The following PRIM2 variants were observed in gnomAD, a reference collection of about 807,000 sequenced individuals.
PRIM2 encodes the protein DNA primase subunit 2.
PRIM2 carries 39 observed loss-of-function variants against 67.3 expected under a neutral mutation model. That is an observed-to-expected ratio of 0.58 (90% CI 0.45 to 0.76). The LOEUF (loss-of-function observed/expected upper bound fraction) is 0.76, where lower values mean the gene tolerates loss of function less well. Among genes scored for constraint, PRIM2 ranks in the 30% least tolerant of loss-of-function variants. The probability of loss-of-function intolerance (pLI) is 0.00; values close to 1 mark genes in which losing one functional copy is unlikely to be tolerated. For missense variants in PRIM2, 398 were observed against 598.7 expected, an observed-to-expected ratio of 0.66 and a Z score of 3.50; for synonymous variants, 143 against 198.7, an observed-to-expected ratio of 0.72 and a Z score of 2.36.
chr6:57,481,765 C>G (rs1333103522), intron 7 of PRIM2, among the ~76,000 whole-genome samples: 2 of 152,140 alleles, frequency 1.3e-5, no homozygotes, highest in African/African-American at 4.8e-5. Context: ...CATTTGGTGT[C>G]ATCACTGTTT....
chr6:57,634,173 A>T (rs1777080587), intron 13 of PRIM2, among the ~76,000 whole-genome samples: 1 of 152,166 alleles, frequency 6.6e-6, no homozygotes, highest in East Asian at 1.9e-4. Context: ...GATATTTGGT[A>T]CTAAATTTGT....
At chr6:57,508,212 C>T (rs1554347392) in intron 8 of PRIM2, among the ~76,000 whole-genome samples, 2 of 152,184 alleles carry the variant, frequency 1.3e-5, no homozygotes, top group Non-Finnish European at 2.9e-5. Flanking sequence ...GCTGGGATTA[C>T]AGGCATAAGC....
At chr6:57,449,984 A>C (rs1345107735) in intron 7 of PRIM2, among the ~76,000 whole-genome samples, 1 of 152,056 alleles carries the variant, frequency 6.6e-6, no homozygotes, top group Non-Finnish European at 1.5e-5. Context: ...GACAAAGGTA[A>C]CTCAGTTTTG....
In PRIM2 at chr6:57,374,303, A is replaced by ATTTATTTT. The variant is rs1554331462; in HGVS notation, c.460-5595_460-5594insATTTTTTT. Among the ~76,000 whole-genome samples the ATTTATTTT allele has an allele frequency of 9.0e-3, 1,255 of 139,786 alleles. 15 individuals are homozygous for ATTTATTTT. Among genetic ancestry groups the ATTTATTTT allele is most frequent in the African/African-American group, 0.03 (1,147 of 37,768 alleles). The allele number at this position is 139,786 out of a possible 152,430, so 91.7% of individuals were successfully genotyped here. ...TATTTATTTATTTATTTATTTATTT[A>ATTTATTTT]TTTTTTTTGAGACGGAGTTTCGCTC... On this transcript the variant is annotated intron_variant, in intron 5 of 13. Coordinates refer to ENST00000615550, the MANE Select transcript of PRIM2 (RefSeq NM_000947.5).
chr6:57,513,818 G>A (rs1774421283), intron 8 of PRIM2, among the ~76,000 whole-genome samples: 1 of 152,172 alleles, frequency 6.6e-6, no homozygotes, highest in Admixed American at 6.6e-5. Context: ...AGGTTGTAGT[G>A]AGCCAGGATC....
intron 11 of PRIM2, among the ~76,000 whole-genome samples, chr6:57,602,739 A>G (rs1776492727): frequency 1.3e-5 from 2 of 152,170 alleles, no homozygotes; most frequent in Admixed American, 6.5e-5. Context: ...TTATGTTACT[A>G]TTTTGTTTCT....
At chr6:57,507,971 C>T (rs1774284036) in intron 8 of PRIM2, among the ~76,000 whole-genome samples, 3 of 152,278 alleles carry the variant, frequency 2.0e-5, no homozygotes, top group Admixed American at 2.0e-4. Flanking sequence ...GAATCTTGCT[C>T]TGTCGCCCAG....
intron 7 of PRIM2, among the ~76,000 whole-genome samples, chr6:57,448,461 A>G (rs1183783291): frequency 6.6e-6 from 1 of 152,192 alleles, no homozygotes; most frequent in Non-Finnish European, 1.5e-5. Context: ...ATGAGTGAGC[A>G]TGGCCCAGGG....
chr6:57,303,067 T>C, the PRIM2 span, among the ~76,000 whole-genome samples: 1 of 152,220 alleles, frequency 6.6e-6, no homozygotes, highest in Non-Finnish European at 1.5e-5. Flanking sequence ...GTTATTGCTA[T>C]GTCTTTCTAT....
chr6:57,386,293 C>T (rs1770145337), intron 7 of PRIM2, among the ~76,000 whole-genome samples: 1 of 151,552 alleles, frequency 6.6e-6, no homozygotes, highest in South Asian at 2.1e-4. Flanking sequence ...TGGCATGTGC[C>T]CGTAGTCCCA....
At chr6:57,240,477 T>G in the PRIM2 span, among the ~76,000 whole-genome samples, 1 of 152,110 alleles carries the variant, frequency 6.6e-6, no homozygotes, top group East Asian at 1.9e-4. Flanking sequence ...GGGAGGAGAC[T>G]ATGTTGGTCC....
chr6:57,224,910 T>A, the PRIM2 span, among the ~76,000 whole-genome samples: 9,418 of 152,244 alleles, frequency 0.062, 444 homozygotes, highest in East Asian at 0.19. Flanking sequence ...AAGCAGGACA[T>A]AAATTTCCCT....
chr6:57,481,255 T>C (rs1394686011), intron 7 of PRIM2, among the ~76,000 whole-genome samples: 2 of 152,144 alleles, frequency 1.3e-5, no homozygotes, highest in Non-Finnish European at 2.9e-5. Flanking sequence ...TACCCTGTTA[T>C]AGTCATAGCA....
At chr6:57,418,383 G>GTTTTTTTTTT (rs34491627) in intron 7 of PRIM2, among the ~76,000 whole-genome samples, 13 of 47,226 alleles carry the variant, frequency 2.8e-4, no homozygotes, top group South Asian at 1.0e-3. Flanking sequence ...TATGTGTGTG[G>GTTTTTTTTTT]TTTTTTTTTT....
At chr6:57,374,303 A>ATTTTTTTT (rs778117079) in intron 5 of PRIM2, among the ~76,000 whole-genome samples, 17 of 139,884 alleles carry the variant, frequency 1.2e-4, no homozygotes, top group African/African-American at 4.2e-4. Flanking sequence ...TTATTTATTT[A>ATTTTTTTT]TTTTTTTTGA....
At position 57,432,533 on chromosome 6, in the gene PRIM2, G is replaced by A. The variant is rs139336077; in HGVS notation, c.693+50365G>A. ...ATTATAGCCAATTAGCAAGTGAAGTGTTTGCACTTTAAAAAAAGTCCTTAG... is the reference window on the plus strand; with the variant it reads ...ATTATAGCCAATTAGCAAGTGAAGTATTTGCACTTTAAAAAAAGTCCTTAG... On this transcript the variant is annotated intron_variant, in intron 7 of 13. Coordinates refer to ENST00000615550, the MANE Select transcript of PRIM2 (RefSeq NM_000947.5). Among the ~76,000 whole-genome samples the A allele has an allele frequency of 5.4e-3, 595 of 109,292 alleles. 8 individuals carry two copies. Among genetic ancestry groups the A allele is most frequent in the African/African-American group, 0.023 (574 of 24,778 alleles). The allele number at this position is 109,292 out of a possible 152,430, so 71.7% of individuals were successfully genotyped here. A position where few individuals can be genotyped will look rare whatever the true frequency, so the allele number is the denominator to read the frequency against.
At chr6:57,644,943 G>T (rs1322908894) in intron 13 of PRIM2, among the ~76,000 whole-genome samples, 1 of 152,156 alleles carries the variant, frequency 6.6e-6, no homozygotes, top group East Asian at 1.9e-4. Context: ...AAAGTTTAAT[G>T]ATAGTATTTG....
the PRIM2 span, among the ~76,000 whole-genome samples, chr6:57,227,699 T>C: frequency 6.8e-6 from 1 of 146,148 alleles, no homozygotes; most frequent in African/African-American, 2.5e-5. Flanking sequence ...TCTCATAAAA[T>C]AAGTAGAAGG....
the PRIM2 span, among the ~76,000 whole-genome samples, chr6:57,292,008 A>G: frequency 6.6e-5 from 10 of 152,238 alleles, no homozygotes; most frequent in African/African-American, 1.9e-4. Flanking sequence ...GCAATAGGCA[A>G]GAGAAAGAAA....
Sources: allele counts gnomAD v4.1 joint callset (sites outside exome capture counted in the v4.1 genomes callset), GRCh38; gene constraint gnomAD v4.1.1; transcripts MANE v1.5; gene names NCBI Gene and HGNC (gene_info 2026-07-23, HGNC 2026-07-21).